ABCB5: variants seen among roughly 807,000 people sequenced by gnomAD.
ABCB5 encodes the protein ATP binding cassette subfamily B member 5.
ABCB5 carries 155 observed loss-of-function variants against 144.2 expected under a neutral mutation model. That is an observed-to-expected ratio of 1.08 (90% CI 0.94 to 1.23). The LOEUF is 1.23. Ranked by LOEUF, ABCB5 falls within the 50% of genes most tolerant of loss-of-function variation. ABCB5 has a pLI of 0.00. For synonymous variants in ABCB5, 610 were observed against 528.6 expected (o/e 1.15, Z -2.11); for missense variants, 1,830 against 1,520.8 (o/e 1.20, Z -3.38).
At position 20,643,189 on chromosome 7, in the gene ABCB5, C is replaced by A. The variant is rs1355147017; in HGVS notation, c.320C>A (p.Thr107Asn). ...TTCTAATACTCTTTCTTCAGGTTGA[C>A]CCTGTATTATGTTGGAATAGGTGTT... ...EKLNEDMTLL[T>N]LYYVGIGVAA... Residue 107 changes from threonine (T) to asparagine (N), a missense_variant, in exon 6 of 28, where the codon ACC becomes AAC. By Grantham distance (65) the Thr-to-Asn change is moderately conservative. Coordinates refer to ENST00000404938, the MANE Select transcript of ABCB5 (RefSeq NM_001163941.2). The A allele has an allele frequency of 6.2e-7, 1 of 1,608,188 alleles. No homozygotes were observed. The highest frequency in any genetic ancestry group is 1.1e-5 in the South Asian group (1 of 90,444).
chr7:20,748,920 T>C (rs929108535), intron 26 of ABCB5, among the ~76,000 whole-genome samples: 2 of 152,198 alleles, frequency 1.3e-5, no homozygotes, highest in African/African-American at 4.8e-5. Context: ...TTTAGCAAAT[T>C]GAATTGTGTC....
intron 26 of ABCB5, among the ~76,000 whole-genome samples, chr7:20,752,783 T>A (rs565819438): frequency 6.6e-6 from 1 of 152,130 alleles, no homozygotes; most frequent in African/African-American, 2.4e-5. Context: ...GAGGCGGAGG[T>A]TGCAGTGAGC....
At chr7:20,679,240 G>C (rs1480946875) in intron 14 of ABCB5, among the ~76,000 whole-genome samples, 3 of 152,010 alleles carry the variant, frequency 2.0e-5, no homozygotes, top group Non-Finnish European at 4.4e-5. Flanking sequence ...TGCTGAGGTG[G>C]GTGGATCACC....
At chr7:20,735,635 A>C (rs973193676) in intron 23 of ABCB5, among the ~76,000 whole-genome samples, 3 of 152,210 alleles carry the variant, frequency 2.0e-5, no homozygotes, top group African/African-American at 7.2e-5. Context: ...AAGGGACCTA[A>C]AGAAGAGAAA....
chr7:20,622,742 T>C (rs1034644152), intron 1 of ABCB5, among the ~76,000 whole-genome samples: 1 of 152,146 alleles, frequency 6.6e-6, no homozygotes, highest in African/African-American at 2.4e-5. Flanking sequence ...ATTTTAATGA[T>C]GAATGGATTT....
At chr7:20,626,834 T>A (rs1783919751) in intron 3 of ABCB5, among the ~76,000 whole-genome samples, 2 of 149,874 alleles carry the variant, frequency 1.3e-5, no homozygotes, top group African/African-American at 4.9e-5. Context: ...AATGACTCAG[T>A]GTTTTAAAAG....
intron 1 of ABCB5, 150 bp from the exon 2 acceptor site, chr7:20,623,115 C>T (rs986216187): frequency 5.3e-6 from 3 of 564,218 alleles, no homozygotes; most frequent in Non-Finnish European, 9.5e-6. Context: ...TAGCCAGAAA[C>T]TTCAATTGGA....
chr7:20,732,307 T>A (rs1782245999), intron 23 of ABCB5, among the ~76,000 whole-genome samples: 1 of 152,126 alleles, frequency 6.6e-6, no homozygotes, highest in Non-Finnish European at 1.5e-5. Flanking sequence ...CCAAAGTAGT[T>A]CCCCTAACCC....
chr7:20,756,447 A>T lies in ABCB5; in HGVS notation c.*823A>T, dbSNP rs1783090648. On this transcript the variant is annotated 3_prime_UTR_variant, in exon 28 of 28. Transcript: ENST00000404938. ...CACTTGAGGTCAGGAGTTCGAGACCAGCCTGGCCAACATGGTGAAACCCCG... is the reference window on the plus strand; with the variant it reads ...CACTTGAGGTCAGGAGTTCGAGACCTGCCTGGCCAACATGGTGAAACCCCG... The T allele has an allele frequency of 6.6e-6, 1 of 152,268 alleles. No homozygotes were observed. The highest frequency in any genetic ancestry group is 1.5e-5 in the Non-Finnish European group (1 of 68,060). 9.4% of individuals were successfully genotyped at this position (152,268 alleles called of 1,614,324 possible).
At chr7:20,623,204 T>C in intron 1 of ABCB5, 61 bp from the exon 2 acceptor site, 1 of 974,360 alleles carries the variant, frequency 1.0e-6, no homozygotes, top group South Asian at 1.4e-5. Context: ...AAGAATGCTG[T>C]ATATCAACTA....
chr7:20,684,766 A>T (rs1013474499), intron 15 of ABCB5, among the ~76,000 whole-genome samples: 17 of 152,176 alleles, frequency 1.1e-4, no homozygotes, highest in African/African-American at 4.1e-4. Flanking sequence ...CCTTTAAATG[A>T]CTGATTACAG....
chr7:20,621,995 G>C (rs1783814584), intron 1 of ABCB5, among the ~76,000 whole-genome samples: 1 of 152,088 alleles, frequency 6.6e-6, no homozygotes, highest in Admixed American at 6.6e-5. Flanking sequence ...AGTGCAGTAT[G>C]ACATGAAGAA....
rs771447030 is a variant in ABCB5 at position 20,628,845 on chromosome 7, A to G, written c.259+7A>G. 2.5e-5 allele frequency: 40 copies of G among 1,612,862 alleles called. No homozygotes were observed. The highest frequency in any genetic ancestry group is 3.3e-5 in the South Asian group (3 of 90,928). On this transcript the variant is annotated splice_region_variant and intron_variant, in intron 4 of 27. Transcript: ENST00000404938. The stretch of plus-strand genomic sequence containing the variant: ...CTAGTCCAAACTAACACAAGTGAGT[A>G]TACGATTATTTTTCTGTATCACTTA...
At chr7:20,630,042 C>T (rs2128018760) in intron 4 of ABCB5, among the ~76,000 whole-genome samples, 1 of 151,174 alleles carries the variant, frequency 6.6e-6, no homozygotes, top group South Asian at 2.1e-4. Flanking sequence ...TCGTTTGTAG[C>T]CTCCTATTTC....
intron 13 of ABCB5, among the ~76,000 whole-genome samples, chr7:20,655,139 G>C (rs1180341129): frequency 6.6e-6 from 1 of 151,834 alleles, no homozygotes; most frequent in Non-Finnish European, 1.5e-5. Flanking sequence ...GAAGGTACAT[G>C]ACTATTGATT....
intron 1 of ABCB5, among the ~76,000 whole-genome samples, chr7:20,618,051 G>C (rs1783725195): frequency 6.6e-6 from 1 of 152,126 alleles, no homozygotes; most frequent in Non-Finnish European, 1.5e-5. Flanking sequence ...GCTTTATTGA[G>C]ATATAATTCA....
chr7:20,728,570 A>T, intron 23 of ABCB5, 115 bp downstream of exon 23: 1 of 1,206,476 alleles, frequency 8.3e-7, no homozygotes, highest in Non-Finnish European at 1.1e-6. Flanking sequence ...CCTGACCAAC[A>T]TAATAAAACC....
chr7:20,672,341 T>C (rs1157629287), intron 14 of ABCB5, among the ~76,000 whole-genome samples: 1 of 151,486 alleles, frequency 6.6e-6, no homozygotes, highest in African/African-American at 2.4e-5. Context: ...TTTTTTTTTC[T>C]TTTACAAATC....
intron 16 of ABCB5, among the ~76,000 whole-genome samples, chr7:20,695,534 A>G (rs1457602998): frequency 3.3e-5 from 5 of 151,976 alleles, no homozygotes; most frequent in African/African-American, 9.7e-5. Context: ...ATAACAACAA[A>G]TGCATAATTT....
Sources: allele counts gnomAD v4.1 joint callset (sites outside exome capture counted in the v4.1 genomes callset), GRCh38; gene constraint gnomAD v4.1.1; transcripts MANE v1.5; gene names NCBI Gene and HGNC (gene_info 2026-07-23, HGNC 2026-07-21).